LEF1: variants seen among roughly 807,000 people sequenced by gnomAD.
LEF1 encodes the protein lymphoid enhancer binding factor 1.
LEF1 carries 14 observed loss-of-function variants against 51.2 expected under a neutral mutation model. That is an observed-to-expected ratio of 0.27 (90% confidence interval 0.18 to 0.43). The LOEUF (loss-of-function observed/expected upper bound fraction) is 0.43, where lower values mean the gene tolerates loss of function less well. Ranked by LOEUF, LEF1 falls within the 20% of genes least tolerant of loss-of-function variation. The pLI, the probability that LEF1 is intolerant of heterozygous loss-of-function variation, is 1.00. For missense variants in LEF1, 386 were observed against 512.0 expected, an observed-to-expected ratio of 0.75 and a Z score of 2.37; for synonymous variants, 185 against 183.2, an observed-to-expected ratio of 1.01 and a Z score of -0.08.
intron 2 of LEF1, among the ~76,000 whole-genome samples, chr4:108,164,753 C>T (rs951683982): frequency 9.9e-5 from 15 of 152,050 alleles, no homozygotes; most frequent in African/African-American, 3.1e-4. Flanking sequence ...TATATACTGT[C>T]GTTCTTCTTA....
At chr4:108,078,448 A>G in intron 7 of LEF1, 66 bp from the exon 8 acceptor site, 2 of 1,599,244 alleles carry the variant, frequency 1.3e-6, no homozygotes, top group Non-Finnish European at 1.7e-6. Flanking sequence ...ATGGGGGAGG[A>G]GAAAAGCAGA....
chr4:108,099,570 GTATATATATATA>G (rs551521155), intron 3 of LEF1, among the ~76,000 whole-genome samples: 2,858 of 70,062 alleles, frequency 0.041, 123 homozygotes, highest in African/African-American at 0.072. Context: ...GTGTGTGTGT[GTATATATATATA>G]TATATATATA....
intron 3 of LEF1, among the ~76,000 whole-genome samples, chr4:108,152,936 G>T (rs1039836709): frequency 2.3e-4 from 35 of 152,202 alleles, no homozygotes; most frequent in African/African-American, 8.2e-4. Flanking sequence ...GCAGTGCTTT[G>T]CTGCTGCTCT....
rs529982060 is a variant in LEF1 at position 108,138,647 on chromosome 4, A to C, written c.414+24921T>G. On this transcript the variant is annotated intron_variant, in intron 3 of 11. Coordinates refer to ENST00000265165, the MANE Select transcript of LEF1 (RefSeq NM_016269.5). ...TCTGAAGAATATTTTTACTTAGCAA[A>C]GGTGTTTATTTGGGGTGGTGAAGGG... Among the ~76,000 whole-genome samples, 3 of 152,320 alleles carry C rather than the reference A, an allele frequency of 2.0e-5. No homozygotes were observed. The East Asian group carries it at 5.8e-4, about 29-fold the overall frequency.
At chr4:108,061,594 AC>A (rs1043563443) in intron 11 of LEF1, among the ~76,000 whole-genome samples, 1 of 151,716 alleles carries the variant, frequency 6.6e-6, no homozygotes, top group Non-Finnish European at 1.5e-5. Context: ...ACATGAAAAA[AC>A]TTTTGGCCAT....
intron 3 of LEF1, among the ~76,000 whole-genome samples, chr4:108,151,763 A>G (rs1477981348): frequency 6.6e-6 from 1 of 152,182 alleles, no homozygotes; most frequent in Non-Finnish European, 1.5e-5. Flanking sequence ...CGTCTAGTCC[A>G]TGGATTCTAT....
intron 11 of LEF1, among the ~76,000 whole-genome samples, chr4:108,049,113 G>A (rs1198762080): frequency 6.6e-6 from 1 of 152,188 alleles, no homozygotes; most frequent in Non-Finnish European, 1.5e-5. Context: ...AGGGAAAGAT[G>A]TGTCATTCTG....
chr4:108,163,151 A>C (rs1338242808), intron 3 of LEF1, among the ~76,000 whole-genome samples: 2 of 152,232 alleles, frequency 1.3e-5, no homozygotes, highest in East Asian at 3.8e-4. Flanking sequence ...GTAACATAAC[A>C]AACATTCAGC....
chr4:108,078,757 G>A (rs1739084944), intron 7 of LEF1, among the ~76,000 whole-genome samples: 1 of 152,198 alleles, frequency 6.6e-6, no homozygotes, highest in Non-Finnish European at 1.5e-5. Flanking sequence ...TGAACACACA[G>A]CACAGGTGAT....
At chr4:108,132,659 C>CTGTTTTTTTTTTTTTT (rs1742970094) in intron 3 of LEF1, among the ~76,000 whole-genome samples, 1 of 47,438 alleles carries the variant, frequency 2.1e-5, no homozygotes, top group Admixed American at 4.4e-4. Context: ...GAAAATCTGC[C>CTGTTTTTTTTTTTTTT]TTTTTTTTTT....
chr4:108,158,821 T>A (rs914722233), intron 3 of LEF1, among the ~76,000 whole-genome samples: 1 of 152,132 alleles, frequency 6.6e-6, no homozygotes, highest in East Asian at 1.9e-4. Flanking sequence ...AGACCCTACC[T>A]CTGCTCTGTT....
chr4:108,050,076 T>G (rs1415018110), intron 11 of LEF1, among the ~76,000 whole-genome samples: 1 of 152,226 alleles, frequency 6.6e-6, no homozygotes, highest in African/African-American at 2.4e-5. Context: ...AGAAGCTATT[T>G]GTATACCTGG....
At chr4:108,059,203 G>A (rs531294334) in intron 11 of LEF1, among the ~76,000 whole-genome samples, 4 of 152,304 alleles carry the variant, frequency 2.6e-5, no homozygotes, top group Admixed American at 6.5e-5. Flanking sequence ...GAACACAACC[G>A]GGTGAATAAA....
At chr4:108,079,851 A>C (rs1386318145) in intron 6 of LEF1, among the ~76,000 whole-genome samples, 1 of 152,242 alleles carries the variant, frequency 6.6e-6, no homozygotes, top group East Asian at 1.9e-4. Flanking sequence ...TAGGAATTTC[A>C]CGAAAAGTAA....
intron 3 of LEF1, among the ~76,000 whole-genome samples, chr4:108,113,947 AT>A (rs1741683309): frequency 6.6e-6 from 1 of 152,224 alleles, no homozygotes; most frequent in Non-Finnish European, 1.5e-5. Context: ...AAACCACTAT[AT>A]GAAGACAAAG....
chr4:108,132,497 A>C (rs1292489538), intron 3 of LEF1, among the ~76,000 whole-genome samples: 1 of 152,076 alleles, frequency 6.6e-6, no homozygotes, highest in East Asian at 1.9e-4. Context: ...GAGTGCAGGC[A>C]CTATGGGCCC....
At chr4:108,060,727 T>C (rs1450922999) in intron 11 of LEF1, among the ~76,000 whole-genome samples, 1 of 152,118 alleles carries the variant, frequency 6.6e-6, no homozygotes, top group Non-Finnish European at 1.5e-5. Context: ...ATTTTTATTA[T>C]AGTACTTATA....
intron 9 of LEF1, among the ~76,000 whole-genome samples, chr4:108,067,812 G>C (rs1489147221): frequency 1.3e-5 from 2 of 151,992 alleles, no homozygotes; most frequent in African/African-American, 4.8e-5. Flanking sequence ...TCACAGGCGT[G>C]AGCCACCATG....
intron 3 of LEF1, among the ~76,000 whole-genome samples, chr4:108,100,210 A>T (rs1578343048): frequency 6.6e-6 from 1 of 152,208 alleles, no homozygotes; most frequent in East Asian, 1.9e-4. Flanking sequence ...GATTACGTAA[A>T]CTGGGTTCTA....
Sources: gnomAD v4.1 joint callset for allele counts (sites outside exome capture counted in the v4.1 genomes callset) on GRCh38, gnomAD v4.1.1 for gene constraint, MANE v1.5 for transcripts, NCBI Gene and HGNC (gene_info 2026-07-23, HGNC 2026-07-21) for gene names.